The following MLF1 variants were observed in gnomAD, a reference collection of about 807,000 sequenced individuals.
MLF1 encodes myeloid leukemia factor 1, also known as myelodysplasia-myeloid leukemia factor 1.
In MLF1, 37 loss-of-function variants were observed where a neutral mutation model predicts 38.3. The ratio of observed to expected loss-of-function variants is 0.96; its 90% CI spans 0.74 to 1.27. The LOEUF is 1.27. Among genes scored for constraint, MLF1 ranks in the 50% most tolerant of loss-of-function variants. The pLI is 0.00. For synonymous variants in MLF1, 95 were observed against 106.5 expected (o/e 0.89, Z 0.66); for missense variants, 331 against 349.2 (o/e 0.95, Z 0.42).
intron 7 of MLF1, 91 bp downstream of exon 7, chr3:158,603,030 A>T (rs1720027926): frequency 2.6e-6 from 3 of 1,146,074 alleles, no homozygotes; most frequent in South Asian, 1.6e-5. Flanking sequence ...AGTTTTGATG[A>T]TCATCCAAAT....
At chr3:158,595,767 A>T (rs1172486192) in intron 3 of MLF1, among the ~76,000 whole-genome samples, 3 of 152,100 alleles carry the variant, frequency 2.0e-5, no homozygotes, top group African/African-American at 7.2e-5. Context: ...GTAAAAATCC[A>T]ATAGCAATAG....
chr3:158,591,674 G>C (rs549208652), intron 1 of MLF1, among the ~76,000 whole-genome samples: 84 of 152,030 alleles, frequency 5.5e-4, no homozygotes, highest in African/African-American at 1.8e-3. Context: ...TCTAGAACGA[G>C]GAATAAGGAA....
At chr3:158,587,157 G>A (rs1717358730) in intron 1 of MLF1, among the ~76,000 whole-genome samples, 3 of 152,152 alleles carry the variant, frequency 2.0e-5, no homozygotes, top group Non-Finnish European at 4.4e-5. Context: ...AAAATTCTAG[G>A]TATATGTCTC....
intron 1 of MLF1, among the ~76,000 whole-genome samples, chr3:158,576,593 G>A (rs763853841): frequency 1.3e-5 from 2 of 151,394 alleles, no homozygotes; most frequent in Admixed American, 1.3e-4. Flanking sequence ...AGTCTACAAA[G>A]AATAATAACT....
rs757968474 is a variant in MLF1, at chr3:158,600,130, T to C, written c.570T>C (p.Thr190=). The C allele has an allele frequency of 2.0e-6, 3 of 1,469,766 alleles. No individual in the cohort carries two copies. The highest frequency in any genetic ancestry group is 2.9e-5 in the African/African-American group (2 of 70,088). The allele number at this position is 1,469,766 out of a possible 1,614,324, so 91.0% of individuals were successfully genotyped here. ...HVIKKSKNKK[T]GDEEVNQEFI... ...TTAAAAAGTCAAAGAACAAGAAGAC[T>C]GGAGATGAAGAGGTCAACCAGGAGT... Residue 190 remains threonine (T), a synonymous_variant, in exon 6 of 8, where the codon ACT becomes ACC. Coordinates refer to ENST00000466246, the MANE Select transcript of MLF1 (RefSeq NM_001369783.1).
chr3:158,583,270 A>G (rs1298831081), intron 1 of MLF1, among the ~76,000 whole-genome samples: 1 of 152,122 alleles, frequency 6.6e-6, no homozygotes, highest in Non-Finnish European at 1.5e-5. Flanking sequence ...GCTGTAGGGA[A>G]TCTCAGAAAT....
intron 7 of MLF1, among the ~76,000 whole-genome samples, chr3:158,603,472 T>A (rs1227014376): frequency 6.6e-6 from 1 of 152,202 alleles, no homozygotes; most frequent in African/African-American, 2.4e-5. Flanking sequence ...TGCAAGAACA[T>A]TAGCTTCTTT....
chr3:158,580,283 C>T (rs373913913), intron 1 of MLF1, among the ~76,000 whole-genome samples: 11 of 149,820 alleles, frequency 7.3e-5, no homozygotes, highest in African/African-American at 1.2e-4. Context: ...ACATGTACCC[C>T]GGAACTTAAA....
intron 1 of MLF1, chr3:158,573,266 T>C (rs4680445): frequency 2.0e-5 from 3 of 150,270 alleles, no homozygotes; most frequent in Non-Finnish European, 3.0e-5. Flanking sequence ...GCCATGCCAA[T>C]TGCGCTGTTT....
intron 1 of MLF1, among the ~76,000 whole-genome samples, chr3:158,574,463 TTGGA>T: frequency 7.0e-6 from 1 of 143,102 alleles, no homozygotes; most frequent in Non-Finnish European, 1.5e-5. Flanking sequence ...AGGTCAGGAG[TTGGA>T]GACCAGCCTG....
chr3:158,592,683 T>A, intron 2 of MLF1, 102 bp downstream of exon 2: 1 of 993,350 alleles, frequency 1.0e-6, no homozygotes, highest in Non-Finnish European at 1.4e-6. Context: ...ATGACTAATA[T>A]TCTTGTTCTA....
chr3:158,603,119 T>A (rs1158260616), intron 7 of MLF1, among the ~76,000 whole-genome samples, 180 bp downstream of exon 7: 2 of 152,214 alleles, frequency 1.3e-5, no homozygotes, highest in Admixed American at 1.3e-4. Context: ...TAAATTTATA[T>A]CTAAAAATCA....
Position 158,583,505 on chromosome 3 carries a change from C to A in MLF1, c.48-8929C>A, listed in dbSNP as rs544629162. On this transcript the variant is annotated intron_variant, in intron 1 of 7. Coordinates refer to ENST00000466246, the MANE Select transcript of MLF1 (RefSeq NM_001369783.1). ...CTAATTTAATAGAAAAAAGGTATGT[C>A]TATTCGCTCTTATAATTAAAGAGTT... Among the ~76,000 whole-genome samples, 62 of 152,232 alleles carry A rather than the reference C, an allele frequency of 4.1e-4. 1 individual carries two copies. The highest frequency in any genetic ancestry group is 5.8e-4 in the East Asian group (3 of 5,178).
At chr3:158,590,549 C>T (rs1717965766) in intron 1 of MLF1, among the ~76,000 whole-genome samples, 1 of 152,110 alleles carries the variant, frequency 6.6e-6, no homozygotes. Flanking sequence ...TATGTATGAA[C>T]TTAGCAATAA....
At chr3:158,600,352 T>C (rs971307366) in intron 6 of MLF1, among the ~76,000 whole-genome samples, 179 bp downstream of exon 6, 1 of 152,002 alleles carries the variant, frequency 6.6e-6, no homozygotes, top group Admixed American at 6.6e-5. Context: ...CTCTTTTTTA[T>C]AGTGATTTTT....
At chr3:158,599,235 G>A (rs1428156166) in intron 5 of MLF1, among the ~76,000 whole-genome samples, 1 of 152,064 alleles carries the variant, frequency 6.6e-6, no homozygotes, top group Non-Finnish European at 1.5e-5. Flanking sequence ...TCTAGGAGTG[G>A]TATTGCTGAG....
chr3:158,600,312 G>A, intron 6 of MLF1, 139 bp downstream of exon 6: 1 of 434,018 alleles, frequency 2.3e-6, no homozygotes, highest in Non-Finnish European at 3.9e-6. Flanking sequence ...GAAAGTAATA[G>A]GATTGTGTTT....
intron 1 of MLF1, chr3:158,591,088 A>T: frequency 1.9e-6 from 1 of 513,348 alleles, no homozygotes; most frequent in Non-Finnish European, 3.9e-6. Flanking sequence ...TGGACTTATG[A>T]GCAGAAGACA....
chr3:158,588,922 C>T (rs748511351), intron 1 of MLF1: 6 of 456,120 alleles, frequency 1.3e-5, no homozygotes, highest in South Asian at 7.8e-5. Flanking sequence ...ATCATCAGGA[C>T]ATGTAAGTCC....
Sources: gnomAD v4.1 joint callset for allele counts (sites outside exome capture counted in the v4.1 genomes callset) on GRCh38, gnomAD v4.1.1 for gene constraint, MANE v1.5 for transcripts, NCBI Gene and HGNC (gene_info 2026-07-23, HGNC 2026-07-21) for gene names.